Variants in LARGE1 observed in about 807,000 individuals in gnomAD.
LARGE1 encodes xylosyl- and glucuronyltransferase LARGE1.
A neutral mutation model predicts 87.6 loss-of-function variants in LARGE1; 43 were observed. That is an observed-to-expected ratio of 0.49 (90% CI 0.38 to 0.63). The LOEUF is 0.63. LARGE1 is among the 30% of genes least tolerant of loss of function. The pLI, the probability that LARGE1 is intolerant of heterozygous loss-of-function variation, is 0.00. For missense variants in LARGE1, 802 were observed against 1,000.2 expected (o/e 0.80, Z 2.67); for synonymous variants, 434 against 394.6 (o/e 1.10, Z -1.18).
chr22:33,203,410 C>T (rs1378596149), intron 11 of LARGE1, among the ~76,000 whole-genome samples: 1 of 152,112 alleles, frequency 6.6e-6, no homozygotes, highest in Non-Finnish European at 1.5e-5. Flanking sequence ...TGGACACTGC[C>T]ACCCTGTGTT....
At chr22:33,120,519 G>C in the LARGE1 span, among the ~76,000 whole-genome samples, 1 of 143,512 alleles carries the variant, frequency 7.0e-6, no homozygotes, top group African/African-American at 2.6e-5. Flanking sequence ...CTTTCTTTGA[G>C]ATGGAGTCTC....
At chr22:33,336,701 C>A (rs1322645632) in intron 10 of LARGE1, among the ~76,000 whole-genome samples, 1 of 152,242 alleles carries the variant, frequency 6.6e-6, no homozygotes, top group East Asian at 1.9e-4. Context: ...CAACGTTGCT[C>A]CTTGTTTCCT....
chr22:33,832,934 A>T (rs1345723473), intron 1 of LARGE1, among the ~76,000 whole-genome samples: 1 of 152,196 alleles, frequency 6.6e-6, no homozygotes, highest in African/African-American at 2.4e-5. Context: ...CTACGGGCCC[A>T]TCTGGTCTGA....
intron 2 of LARGE1, among the ~76,000 whole-genome samples, chr22:33,653,392 G>C (rs1049413444): frequency 1.5e-4 from 23 of 152,166 alleles, no homozygotes; most frequent in Non-Finnish European, 3.2e-4. Context: ...CTAAGTTAGA[G>C]GTAAAGACGC....
intron 7 of LARGE1, among the ~76,000 whole-genome samples, chr22:33,407,940 T>C (rs1345109129): frequency 6.6e-6 from 1 of 151,984 alleles, no homozygotes; most frequent in African/African-American, 2.4e-5. Flanking sequence ...ACACATGTCA[T>C]AGTAAAGTCT....
At chr22:33,646,576 T>C (rs927681931) in intron 3 of LARGE1, among the ~76,000 whole-genome samples, 1 of 147,532 alleles carries the variant, frequency 6.8e-6, no homozygotes, top group African/African-American at 2.4e-5. Context: ...ATTCTGCACA[T>C]GTACTCCAGA....
In LARGE1 at chr22:33,196,145, G is replaced by A. The variant is rs138051473; in HGVS notation, c.1731-29313C>T. ...AAGTAAATTAAAAAAAAAAAAAAGC[G>A]TAAGGATAAAAACCGGTATCAACAA... On this transcript the variant is annotated intron_variant, in intron 11 of 11. Coordinates refer to the LARGE1 transcript ENST00000608642. Among the ~76,000 whole-genome samples the A allele has an allele frequency of 2.9e-4, 43 of 147,202 alleles. No homozygotes were observed. In the East Asian group the frequency reaches 6.5e-3, roughly 22 times the overall value.
chr22:33,080,460 A>C, the LARGE1 span, among the ~76,000 whole-genome samples: 1 of 152,202 alleles, frequency 6.6e-6, no homozygotes, highest in African/African-American at 2.4e-5. Context: ...AGAATGTTTC[A>C]GATTTTATGT....
At chr22:33,124,587 A>AC in the LARGE1 span, among the ~76,000 whole-genome samples, 1 of 151,954 alleles carries the variant, frequency 6.6e-6, no homozygotes, top group Non-Finnish European at 1.5e-5. Context: ...GCCATCTCTC[A>AC]CTATCTCACC....
chr22:33,139,861 T>C, the LARGE1 span, among the ~76,000 whole-genome samples: 6 of 152,256 alleles, frequency 3.9e-5, no homozygotes, highest in East Asian at 1.9e-4. Flanking sequence ...TTTGTGGTCA[T>C]TGCCTTTCTC....
chr22:33,811,886 A>G (rs1480109704), intron 1 of LARGE1, among the ~76,000 whole-genome samples: 5 of 152,220 alleles, frequency 3.3e-5, no homozygotes, highest in African/African-American at 1.2e-4. Flanking sequence ...ATGGGAGCCC[A>G]GCCCAGAACT....
At chr22:33,254,744 G>C (rs932595475) in intron 11 of LARGE1, among the ~76,000 whole-genome samples, 1 of 152,106 alleles carries the variant, frequency 6.6e-6, no homozygotes, top group African/African-American at 2.4e-5. Flanking sequence ...ACAGTCTCTG[G>C]TCCATAGTAC....
At chr22:33,393,693 G>A (rs571073718) in intron 7 of LARGE1, among the ~76,000 whole-genome samples, 2 of 152,260 alleles carry the variant, frequency 1.3e-5, no homozygotes, top group South Asian at 2.1e-4. Context: ...CATCCTTGTC[G>A]TCGGGGTCTG....
chr22:33,123,768 C>A, the LARGE1 span, among the ~76,000 whole-genome samples: 1 of 152,182 alleles, frequency 6.6e-6, no homozygotes, highest in Non-Finnish European at 1.5e-5. Context: ...AGCTCGGATT[C>A]ACCACAGAAC....
chr22:33,319,445 G>C (rs1322596380), intron 10 of LARGE1, among the ~76,000 whole-genome samples: 3 of 152,130 alleles, frequency 2.0e-5, no homozygotes, highest in African/African-American at 7.2e-5. Context: ...GCCCAGGCTG[G>C]AGTGCAGTGA....
intron 12 of LARGE1, among the ~76,000 whole-genome samples, chr22:33,294,274 G>C (rs16992074): frequency 0.023 from 3,497 of 152,318 alleles, 94 homozygotes; most frequent in African/African-American, 0.065. Context: ...AAGGCACTGG[G>C]GCTGCTGTCA....
At chr22:33,557,448 A>T (rs1398516894) in intron 6 of LARGE1, among the ~76,000 whole-genome samples, 1 of 152,238 alleles carries the variant, frequency 6.6e-6, no homozygotes, top group Non-Finnish European at 1.5e-5. Context: ...GGAAGAGGTC[A>T]TCAAAATTTT....
At chr22:33,722,666 A>G (rs143840991) in intron 2 of LARGE1, among the ~76,000 whole-genome samples, 87 of 152,276 alleles carry the variant, frequency 5.7e-4, no homozygotes, top group South Asian at 1.7e-3. Flanking sequence ...AAGTCACCCA[A>G]TGGAGGGAAG....
chr22:33,204,975 T>C (rs1381900234), intron 11 of LARGE1, among the ~76,000 whole-genome samples: 1 of 152,098 alleles, frequency 6.6e-6, no homozygotes, highest in East Asian at 1.9e-4. Context: ...AGAACACATT[T>C]ATGAAATAAA....
Sources: gnomAD v4.1 joint callset for allele counts (sites outside exome capture counted in the v4.1 genomes callset) on GRCh38, gnomAD v4.1.1 for gene constraint, MANE v1.5 for transcripts, NCBI Gene and HGNC (gene_info 2026-07-23, HGNC 2026-07-21) for gene names.